Variants in SCAP observed in about 807,000 individuals in gnomAD.
SCAP encodes the protein SREBF chaperone, also known as sterol regulatory element-binding protein cleavage-activating protein.
In SCAP, 65 loss-of-function variants were observed where a neutral mutation model predicts 123.6. The ratio of observed to expected loss-of-function variants is 0.53; its 90% CI spans 0.43 to 0.65. The LOEUF (loss-of-function observed/expected upper bound fraction) is 0.65, where lower values mean the gene tolerates loss of function less well. SCAP is among the 30% of genes least tolerant of loss of function. The probability of loss-of-function intolerance (pLI) is 0.00; values close to 1 mark genes in which losing one functional copy is unlikely to be tolerated. For synonymous variants in SCAP, 740 were observed against 726.3 expected (o/e 1.02, Z -0.30); for missense variants, 1,398 against 1,712.5 (o/e 0.82, Z 3.24).
At chr3:47,462,900 C>T (rs952907995) in intron 1 of SCAP, among the ~76,000 whole-genome samples, 1 of 152,018 alleles carries the variant, frequency 6.6e-6, no homozygotes, top group African/African-American at 2.4e-5. Flanking sequence ...TGTTCCTGGC[C>T]TGCTTTCCTC....
At chr3:47,454,322 C>G (rs1466230549) in intron 1 of SCAP, among the ~76,000 whole-genome samples, 1 of 151,064 alleles carries the variant, frequency 6.6e-6, no homozygotes, top group Admixed American at 6.6e-5. Context: ...GAGCAGAGAT[C>G]ACGCCACTGC....
At chr3:47,442,765 T>A in intron 2 of SCAP, 107 bp downstream of exon 2, 1 of 945,378 alleles carries the variant, frequency 1.1e-6, no homozygotes, top group Non-Finnish European at 1.7e-6. Context: ...CAAGCTCCCA[T>A]TGTGTAAAAA....
intron 1 of SCAP, among the ~76,000 whole-genome samples, chr3:47,444,089 A>G (rs565639074): frequency 1.3e-5 from 2 of 152,166 alleles, no homozygotes; most frequent in South Asian, 4.1e-4. Flanking sequence ...TATGTTGGCC[A>G]AAGTTAATTT....
At chr3:47,415,981 G>A (rs1273476040) in intron 18 of SCAP, among the ~76,000 whole-genome samples, 1 of 152,230 alleles carries the variant, frequency 6.6e-6, no homozygotes, top group Admixed American at 6.5e-5. Context: ...GGAGGGGCCT[G>A]GTGAAATTGG....
At chr3:47,462,262 A>G (rs1356323249) in intron 1 of SCAP, among the ~76,000 whole-genome samples, 1 of 152,130 alleles carries the variant, frequency 6.6e-6, no homozygotes, top group Non-Finnish European at 1.5e-5. Flanking sequence ...TAGGAGATCA[A>G]CTTTTTCTTT....
Position 47,418,349 on chromosome 3 carries a change from A to G in SCAP, c.2303T>C (p.Val768Ala). The G allele has an allele frequency of 6.4e-7, 1 of 1,570,002 alleles. No homozygotes were observed. The highest frequency in any genetic ancestry group is 8.6e-7 in the Non-Finnish European group (1 of 1,159,080). ...GAGGTGGCCGCGCAGCACAAGCGGC[A>G]CGATCTCCGTCTCGGGTGGCGCATA... Reference protein sequence around the residue: ...YGYAPPETEIVPLVLRGHLMD... With the variant: ...YGYAPPETEIAPLVLRGHLMD... The change falls in exon 15 of 23, where the codon GTG becomes GCG. Residue 768 changes from valine (V) to alanine (A), a missense_variant. Val to Ala is a moderately conservative substitution (Grantham distance 64). Around this residue, in one of 7 missense-constraint regions of SCAP, gnomAD observed 828 missense variants for 882.5 expected, o/e 0.94. Transcript: ENST00000265565.
At chr3:47,443,552 A>G (rs1706907252) in intron 1 of SCAP, among the ~76,000 whole-genome samples, 1 of 151,938 alleles carries the variant, frequency 6.6e-6, no homozygotes, top group Admixed American at 6.6e-5. Flanking sequence ...CTCAAAACAC[A>G]CTGTTGTACA....
chr3:47,445,361 C>T (rs557418981), intron 1 of SCAP, among the ~76,000 whole-genome samples: 72 of 151,322 alleles, frequency 4.8e-4, no homozygotes, highest in African/African-American at 1.7e-3. Context: ...ATTCTCTTGC[C>T]TCAGCTTCCT....
chr3:47,420,871 A>G lies in SCAP; in HGVS notation c.1344+60T>C. ...GAGGTCTACACCCTTCTCACCCAGG[A>G]CTCCCTCAGTACAGCCAGGGCTGAG... On this transcript the variant is annotated intron_variant, in intron 11 of 22. Transcript: ENST00000265565. This position sits in a 1 kb window ranked among gnomAD's most constrained non-coding sequence, Gnocchi z 5.0. The G allele has an allele frequency of 6.3e-7, 1 of 1,585,242 alleles. No homozygotes were observed. The highest frequency in any genetic ancestry group is 8.7e-7 in the Non-Finnish European group (1 of 1,154,880).
chr3:47,417,595 G>C lies in SCAP; in HGVS notation c.2679C>G (p.Pro893=), dbSNP rs774130858. The part of the protein sequence containing the change: ...AQPRSSQPTQ[P]EPRHRAVCGR... ...CACAGACCGCCCGGTGCCGGGGCTC[G>C]GGCTGAGTGGGCTGTGAGGACCGAG... The change falls in exon 17 of 23, where the codon CCC becomes CCG. Residue 893 remains proline, a synonymous_variant. Transcript: ENST00000265565. 3.1e-6 allele frequency: 5 copies of C among 1,598,788 alleles called. No individual in the cohort carries two copies. Among genetic ancestry groups the C allele is most frequent in the Non-Finnish European group, 4.3e-6 (5 of 1,174,306 alleles).
chr3:47,434,813 G>A (rs1409704790), intron 3 of SCAP, 195 bp downstream of exon 3: 8 of 581,726 alleles, frequency 1.4e-5, no homozygotes, highest in South Asian at 2.3e-5. Context: ...CTCCAGCCTG[G>A]ACAACAGGAG....
intron 1 of SCAP, among the ~76,000 whole-genome samples, chr3:47,454,396 T>C (rs1707338189): frequency 6.6e-6 from 1 of 151,218 alleles, no homozygotes; most frequent in African/African-American, 2.4e-5. Flanking sequence ...AGATGCTTAG[T>C]AGATATGTGT....
chr3:47,463,056 T>C (rs960219818), intron 1 of SCAP, among the ~76,000 whole-genome samples: 1 of 152,184 alleles, frequency 6.6e-6, no homozygotes, highest in Non-Finnish European at 1.5e-5. Flanking sequence ...TCCACTCAAA[T>C]GCCTAATAAG....
intron 3 of SCAP, 63 bp from the exon 4 acceptor site, chr3:47,428,733 A>G (rs1706244028): frequency 1.3e-6 from 2 of 1,566,766 alleles, no homozygotes; most frequent in African/African-American, 1.4e-5. Context: ...AAGACGGTCC[A>G]ATTCAAGGGA....
Position 47,424,055 on chromosome 3 carries a change from GAGA to G in SCAP, c.1038-13_1038-11del. ...GTAGGGGAAAATCTCGCTGGGGACA[GAGA>G]AGGAGAAGGTGAGGACAGTGTTGTG... On this transcript the variant is annotated splice_polypyrimidine_tract_variant and intron_variant, in intron 8 of 22. Transcript: ENST00000265565. 6.3e-7 allele frequency: 1 copy of G among 1,593,094 alleles called. No individual in the cohort carries two copies. Among genetic ancestry groups the G allele is most frequent in the Non-Finnish European group, 8.6e-7 (1 of 1,160,852 alleles).
At position 47,415,094 on chromosome 3, in the gene SCAP, C is replaced by T. The variant is rs372346811; in HGVS notation, c.3139+4G>A. ...GAACACCTGCCCACCCCAGGCCCTC[C>T]GACCTCTAAACTGCAGGGGGCTGAG... On this transcript the variant is annotated splice_donor_region_variant and intron_variant, in intron 19 of 22. Coordinates refer to ENST00000265565, the MANE Select transcript of SCAP (RefSeq NM_012235.4). The T allele has an allele frequency of 6.5e-5, 104 of 1,601,964 alleles. No homozygotes were observed. Among genetic ancestry groups the T allele is most frequent in the Non-Finnish European group, 8.3e-5 (98 of 1,175,858 alleles).
At chr3:47,424,191 C>T in intron 8 of SCAP, 146 bp from the exon 9 acceptor site, 1 of 637,898 alleles carries the variant, frequency 1.6e-6, no homozygotes, top group Non-Finnish European at 2.8e-6. Flanking sequence ...CTCCCTTGTC[C>T]ACCTCACCCA....
Position 47,427,202 on chromosome 3 carries a change from A to G in SCAP, c.692T>C (p.Met231Thr), listed in dbSNP as rs1451158376. Reference sequence around the variant, plus strand: ...GACCAGGGTGATGGTGTAGGAGACCATCCTCTTCCTGGTGTAGAGGCTCAC... The same window carrying G: ...GACCAGGGTGATGGTGTAGGAGACCGTCCTCTTCCTGGTGTAGAGGCTCAC... ...SGVSLYTRKRMVSYTITLVFQ... is the reference protein window; with the variant it reads ...SGVSLYTRKRTVSYTITLVFQ... Residue 231 changes from methionine to threonine, a missense_variant, in exon 6 of 23, where the codon ATG becomes ACG. Physicochemically the swap from Met to Thr is moderately conservative, Grantham distance 81. Transcript: ENST00000265565. 1 of 1,613,952 alleles carries G rather than the reference A, an allele frequency of 6.2e-7. No individual in the cohort carries two copies. The highest frequency in any genetic ancestry group is 1.7e-5 in the Admixed American group (1 of 60,008).
At chr3:47,423,508 C>A (rs545650847) in intron 9 of SCAP, among the ~76,000 whole-genome samples, 30 of 152,368 alleles carry the variant, frequency 2.0e-4, no homozygotes, top group Admixed American at 4.6e-4. Context: ...ATCCTCCCAC[C>A]TCAGCCTCTT....
Sources: gnomAD v4.1 joint callset for allele counts (sites outside exome capture counted in the v4.1 genomes callset) on GRCh38, gnomAD v4.1.1 for gene constraint, gnomAD v4.1.1 regional missense constraint, Gnocchi (gnomAD v3.1) non-coding constraint, MANE v1.5 for transcripts, NCBI Gene and HGNC (gene_info 2026-07-23, HGNC 2026-07-21) for gene names.